The following MAPK10 variants were observed in gnomAD, a reference collection of about 807,000 sequenced individuals.
MAPK10 encodes the protein mitogen-activated protein kinase 10, also known as JNK3 alpha protein kinase.
A neutral mutation model predicts 59.3 loss-of-function variants in MAPK10; 25 were observed. That is an observed-to-expected ratio of 0.42 (90% CI 0.31 to 0.59). The LOEUF is 0.59. Among genes scored for constraint, MAPK10 ranks in the 20% least tolerant of loss-of-function variants. MAPK10 has a pLI of 0.15. For synonymous variants in MAPK10, 190 were observed against 200.5 expected (o/e 0.95, Z 0.44); for missense variants, 351 against 568.9 (o/e 0.62, Z 3.90).
At chr4:86,196,842 G>T (rs9996693) in intron 2 of MAPK10, among the ~76,000 whole-genome samples, 49,257 of 151,878 alleles carry the variant, frequency 0.32, 11,012 homozygotes, top group African/African-American at 0.64. Context: ...CTTGTTTTTG[G>T]CAGGTTTGTC....
intron 11 of MAPK10, among the ~76,000 whole-genome samples, chr4:86,036,476 T>C (rs1201177431): frequency 1.3e-5 from 2 of 152,134 alleles, no homozygotes; most frequent in Non-Finnish European, 2.9e-5. Context: ...AAGTCACTTT[T>C]TTTCTGAGAA....
chr4:86,094,530 T>C (rs2053866852), intron 9 of MAPK10, among the ~76,000 whole-genome samples: 1 of 151,896 alleles, frequency 6.6e-6, no homozygotes, highest in African/African-American at 2.4e-5. Context: ...TCAAAGAAGG[T>C]GCTATCATTT....
At chr4:86,141,474 A>T (rs1346349661) in intron 4 of MAPK10, among the ~76,000 whole-genome samples, 1 of 152,224 alleles carries the variant, frequency 6.6e-6, no homozygotes, top group Non-Finnish European at 1.5e-5. Flanking sequence ...CTTTCTAGCC[A>T]GAAGAAGTTT....
intron 1 of MAPK10, among the ~76,000 whole-genome samples, chr4:86,486,207 T>C (rs1201726154): frequency 6.6e-6 from 1 of 152,164 alleles, no homozygotes; most frequent in Non-Finnish European, 1.5e-5. Flanking sequence ...GAGGATCACT[T>C]GAAGCAAGAA....
chr4:86,297,850 TTG>T (rs1203654513), intron 2 of MAPK10, among the ~76,000 whole-genome samples: 9 of 152,156 alleles, frequency 5.9e-5, no homozygotes, highest in Admixed American at 5.2e-4. Context: ...GGCTCCTTCT[TTG>T]TGTCTAGATA....
At chr4:86,428,406 A>G (rs1055165275) in intron 1 of MAPK10, among the ~76,000 whole-genome samples, 1 of 151,932 alleles carries the variant, frequency 6.6e-6, no homozygotes, top group Non-Finnish European at 1.5e-5. Flanking sequence ...CAATCCTCCC[A>G]CTTTGGCCTC....
intron 4 of MAPK10, among the ~76,000 whole-genome samples, chr4:86,114,545 C>G (rs2058022719): frequency 6.6e-6 from 1 of 152,200 alleles, no homozygotes; most frequent in Non-Finnish European, 1.5e-5. Flanking sequence ...AAGATGGCTG[C>G]CTGCTCCTTC....
At chr4:86,215,164 G>A (rs2087112410) in intron 2 of MAPK10, among the ~76,000 whole-genome samples, 1 of 152,172 alleles carries the variant, frequency 6.6e-6, no homozygotes, top group South Asian at 2.1e-4. Context: ...ATGGTGAAAG[G>A]ACAGTCTTTT....
intron 1 of MAPK10, among the ~76,000 whole-genome samples, chr4:86,558,832 GA>G (rs55928790): frequency 0.047 from 6,727 of 142,574 alleles, 193 homozygotes; most frequent in Non-Finnish European, 0.054. Flanking sequence ...AAACTTTCAG[GA>G]AAAAAAAAAA....
In MAPK10 at chr4:86,193,754, G is replaced by C. The variant is rs182144412; in HGVS notation, c.66+582C>G. The C allele has an allele frequency of 7.9e-4, 125 of 158,380 alleles. 1 individual carries two copies. Among genetic ancestry groups the C allele is most frequent in the South Asian group, 6.1e-4 (3 of 4,956 alleles). 9.8% of individuals were successfully genotyped at this position (158,380 alleles called of 1,614,324 possible). A position where few individuals can be genotyped will look rare whatever the true frequency, so the allele number is the denominator to read the frequency against. On this transcript the variant is annotated intron_variant, in intron 3 of 13. Coordinates refer to ENST00000641462, the MANE Select transcript of MAPK10 (RefSeq NM_138982.4). ...TCCCTGGCTTCAGCCCCCTTTCCAGGGGGGGTGAATGGTTCTGTCTCGCTG... is the reference window on the plus strand; with the variant it reads ...TCCCTGGCTTCAGCCCCCTTTCCAGCGGGGGTGAATGGTTCTGTCTCGCTG...
chr4:86,452,780 C>G (rs913556205), intron 1 of MAPK10, among the ~76,000 whole-genome samples: 1 of 152,124 alleles, frequency 6.6e-6, no homozygotes, highest in African/African-American at 2.4e-5. Context: ...GCAGCTCCCA[C>G]TCGGACAGAC....
At chr4:86,556,107 GA>G (rs1251105949) in intron 1 of MAPK10, among the ~76,000 whole-genome samples, 9 of 152,196 alleles carry the variant, frequency 5.9e-5, no homozygotes, top group Non-Finnish European at 1.0e-4. Flanking sequence ...TGCCGTTTCA[GA>G]AATAGGTGGG....
chr4:86,129,253 T>G (rs1191327217), intron 4 of MAPK10, among the ~76,000 whole-genome samples: 2 of 152,140 alleles, frequency 1.3e-5, no homozygotes, highest in African/African-American at 4.8e-5. Context: ...ATGGTAGAAT[T>G]TTCTCTTATT....
Position 86,149,163 on chromosome 4 carries a change from T to C in MAPK10, c.236+10135A>G, listed in dbSNP as rs574175081. The stretch of plus-strand genomic sequence containing the variant: ...CTTCCTTCTCTCATTTAGAATCTCA[T>C]TCTCATTAGGCTTGAAAATTAGTAC... On this transcript the variant is annotated intron_variant, in intron 4 of 13. Transcript: ENST00000641462. Among the ~76,000 whole-genome samples the C allele has an allele frequency of 1.6e-4, 24 of 152,332 alleles. No individual in the cohort carries two copies. In the South Asian group the frequency reaches 5.0e-3, roughly 32 times the overall value.
chr4:86,508,113 T>C (rs1755943827), intron 1 of MAPK10, among the ~76,000 whole-genome samples: 1 of 152,146 alleles, frequency 6.6e-6, no homozygotes, highest in Admixed American at 6.5e-5. Context: ...TACTATGGCA[T>C]GTGTATTCCC....
chr4:86,226,323 G>A (rs57544245), intron 2 of MAPK10, among the ~76,000 whole-genome samples: 2,623 of 152,230 alleles, frequency 0.017, 99 homozygotes, highest in African/African-American at 0.059. Flanking sequence ...GACTTTACCC[G>A]GTTTCAAGTG....
chr4:86,442,326 A>G (rs1007662820), intron 1 of MAPK10, among the ~76,000 whole-genome samples: 2 of 152,188 alleles, frequency 1.3e-5, no homozygotes, highest in African/African-American at 4.8e-5. Flanking sequence ...TTTCAAAAAT[A>G]TATTAGTTAA....
At position 86,016,927 on chromosome 4, in the gene MAPK10, T is replaced by G. The variant is rs2148888773; in HGVS notation, c.*301A>C. On this transcript the variant is annotated 3_prime_UTR_variant, in exon 14 of 14. Coordinates refer to ENST00000641462, the MANE Select transcript of MAPK10 (RefSeq NM_138982.4). ...TTGCCGGTTTTGCAGCCATTAAAAT[T>G]ACACTTTATGGAAAAGGCTTCTCTA... is the stretch of plus-strand genomic sequence containing the variant. The G allele has an allele frequency of 8.0e-6, 2 of 249,920 alleles. No individual in the cohort carries two copies. Among genetic ancestry groups the G allele is most frequent in the Non-Finnish European group, 1.6e-5 (2 of 127,360 alleles). 15.5% of individuals were successfully genotyped at this position (249,920 alleles called of 1,614,324 possible).
chr4:86,350,719 A>G (rs1730884679), intron 2 of MAPK10, among the ~76,000 whole-genome samples: 1 of 152,114 alleles, frequency 6.6e-6, no homozygotes, highest in Admixed American at 6.5e-5. Context: ...AAAATTCTTT[A>G]AGTAGGGCAA....
Sources: gnomAD v4.1 joint callset for allele counts (sites outside exome capture counted in the v4.1 genomes callset) on GRCh38, gnomAD v4.1.1 for gene constraint, MANE v1.5 for transcripts, NCBI Gene and HGNC (gene_info 2026-07-23, HGNC 2026-07-21) for gene names.